The following ARL15 variants were observed in gnomAD, a reference collection of about 807,000 sequenced individuals.
ARL15 encodes the protein ARF like GTPase 15.
In ARL15, 19 loss-of-function variants were observed where a neutral mutation model predicts 25.2. The ratio of observed to expected loss-of-function variants is 0.75; its 90% CI spans 0.53 to 1.10. ARL15 has a LOEUF of 1.10. Among genes scored for constraint, ARL15 ranks in the 50% least tolerant of loss-of-function variants. The pLI is 0.00. For synonymous variants in ARL15, 94 were observed against 86.8 expected, an observed-to-expected ratio of 1.08 and a Z score of -0.46; for missense variants, 220 against 246.0, an observed-to-expected ratio of 0.89 and a Z score of 0.71.
At chr5:54,080,728 C>T (rs892002901) in intron 4 of ARL15, among the ~76,000 whole-genome samples, 17 of 152,152 alleles carry the variant, frequency 1.1e-4, no homozygotes, top group African/African-American at 4.1e-4. Flanking sequence ...CTATTCATCA[C>T]AGCAAATTCA....
At chr5:54,217,713 C>A (rs1756251950) in intron 1 of ARL15, among the ~76,000 whole-genome samples, 1 of 151,964 alleles carries the variant, frequency 6.6e-6, no homozygotes, top group African/African-American at 2.4e-5. Context: ...TCAGATGTTA[C>A]CCTCGGTAGA....
intron 1 of ARL15, among the ~76,000 whole-genome samples, chr5:54,232,478 G>A (rs956157562): frequency 1.3e-5 from 2 of 152,098 alleles, no homozygotes; most frequent in Non-Finnish European, 2.9e-5. Flanking sequence ...TCTGACATTC[G>A]AAGCTCCCTT....
rs147315860 is a variant in ARL15 at position 53,982,800 on chromosome 5, C to A, written c.463-96087G>T. Among the ~76,000 whole-genome samples, 430 of 152,284 alleles carry A rather than the reference C, an allele frequency of 2.8e-3. 2 individuals carry two copies. The highest frequency in any genetic ancestry group is 9.6e-3 in the African/African-American group (401 of 41,560). ...TGGTTGAACTAATTTACACTCCCACCAACAGTGTAAAGGCATTCCTATTTC... is the reference window on the plus strand; with the variant it reads ...TGGTTGAACTAATTTACACTCCCACAAACAGTGTAAAGGCATTCCTATTTC... On this transcript the variant is annotated intron_variant, in intron 4 of 4. Transcript: ENST00000504924.
chr5:53,891,528 G>A (rs758182019), intron 4 of ARL15, among the ~76,000 whole-genome samples: 5 of 152,164 alleles, frequency 3.3e-5, no homozygotes, highest in Non-Finnish European at 7.3e-5. Flanking sequence ...GGTCCTGCCC[G>A]TTGGGAACTG....
At chr5:53,902,208 G>C (rs1745089156) in intron 4 of ARL15, among the ~76,000 whole-genome samples, 1 of 152,196 alleles carries the variant, frequency 6.6e-6, no homozygotes, top group Non-Finnish European at 1.5e-5. Context: ...ACGAGGCTGT[G>C]TGCCACAAAT....
At chr5:53,937,771 A>C (rs185192303) in intron 4 of ARL15, among the ~76,000 whole-genome samples, 4 of 152,164 alleles carry the variant, frequency 2.6e-5, no homozygotes, top group African/African-American at 9.6e-5. Flanking sequence ...AAATAATACT[A>C]ACACCAACCA....
intron 4 of ARL15, among the ~76,000 whole-genome samples, chr5:54,084,300 C>T (rs1225514433): frequency 6.6e-6 from 1 of 151,884 alleles, no homozygotes; most frequent in Non-Finnish European, 1.5e-5. Context: ...ACAGATGGTT[C>T]CTGATAGAGT....
rs558134662 is a variant in ARL15 at position 54,151,431 on chromosome 5, A to C, written c.253+3149T>G. ...TGAATGTCTCCATCACTGAATGAGG[A>C]GTTCCCTGAAGATGAGGGCTGTGCT... On this transcript the variant is annotated intron_variant, in intron 3 of 4. Transcript: ENST00000504924. Among the ~76,000 whole-genome samples, 100 of 152,182 alleles carry C rather than the reference A, an allele frequency of 6.6e-4. 1 individual carries two copies. Among genetic ancestry groups the C allele is most frequent in the Non-Finnish European group, 1.1e-3 (73 of 68,004 alleles).
rs370947104 is a variant in ARL15 at position 54,010,826 on chromosome 5, C to T, written c.462+102376G>A. 1.7e-3 allele frequency among the ~76,000 whole-genome samples: 253 copies of T among 152,010 alleles called. 4 individuals are homozygous for T. Among genetic ancestry groups the T allele is most frequent in the African/African-American group, 5.7e-3 (238 of 41,458 alleles). The stretch of plus-strand genomic sequence containing the variant: ...GGAGATGGAGAACACGGTGAAACCC[C>T]GTCTCTACTGAAAATACAAAAAATT... On this transcript the variant is annotated intron_variant, in intron 4 of 4. Transcript: ENST00000504924.
At chr5:54,204,786 A>G (rs1755819085) in intron 1 of ARL15, among the ~76,000 whole-genome samples, 1 of 152,198 alleles carries the variant, frequency 6.6e-6, no homozygotes, top group South Asian at 2.1e-4. Context: ...CATTGTGCTG[A>G]TTTTGGAGCA....
chr5:53,978,658 AAGAAGCATCAC>A (rs1748024278), intron 4 of ARL15, among the ~76,000 whole-genome samples: 1 of 151,406 alleles, frequency 6.6e-6, no homozygotes, highest in African/African-American at 2.4e-5. Context: ...AAAGAAATAA[AAGAAGCATCAC>A]AGCAGGCAAG....
intron 4 of ARL15, among the ~76,000 whole-genome samples, chr5:53,947,812 A>G (rs1580108316): frequency 1.3e-5 from 2 of 152,200 alleles, no homozygotes; most frequent in East Asian, 3.9e-4. Context: ...TTTTACAAAG[A>G]GAAAAGACTA....
intron 4 of ARL15, among the ~76,000 whole-genome samples, chr5:53,997,873 TTAAAAAGA>T (rs1388513751): frequency 1.3e-5 from 2 of 152,096 alleles, no homozygotes; most frequent in Non-Finnish European, 2.9e-5. Context: ...GCTGAGTCCT[TTAAAAAGA>T]GCCTGATGTA....
In ARL15 at chr5:54,029,306, T is replaced by TACCACCACCACCAAC. The variant is rs1561194917; in HGVS notation, c.462+83895_462+83896insGTTGGTGGTGGTGGT. Among the ~76,000 whole-genome samples, 16 of 120,018 alleles carry TACCACCACCACCAAC rather than the reference T, an allele frequency of 1.3e-4. 1 individual carries two copies. Among genetic ancestry groups the TACCACCACCACCAAC allele is most frequent in the Admixed American group, 4.3e-4 (5 of 11,744 alleles). 78.7% of individuals were successfully genotyped at this position (120,018 alleles called of 152,430 possible). ...AAAATAGTTAATTTATAAAAACAGT[T>TACCACCACCACCAAC]ACCACCACCACCACCACCACCACCA... On this transcript the variant is annotated intron_variant, in intron 4 of 4. Transcript: ENST00000504924.
intron 3 of ARL15, among the ~76,000 whole-genome samples, chr5:54,133,522 C>T (rs1753502400): frequency 6.6e-6 from 1 of 152,166 alleles, no homozygotes; most frequent in Non-Finnish European, 1.5e-5. Flanking sequence ...TATTAACAGA[C>T]ACACTATCAG....
At chr5:53,931,802 T>C (rs1746202679) in intron 4 of ARL15, among the ~76,000 whole-genome samples, 1 of 152,222 alleles carries the variant, frequency 6.6e-6, no homozygotes, top group Non-Finnish European at 1.5e-5. Flanking sequence ...CCTCTCTCTG[T>C]CTTAACTCCA....
In ARL15 at chr5:54,076,672, T is replaced by C. The variant is rs1751619720; in HGVS notation, c.462+36530A>G. ...CCAAAACTTACATTTTTAGCTGACA[T>C]CTCGTTACAATGGTACTACGTTCTA... On this transcript the variant is annotated intron_variant, in intron 4 of 4. Transcript: ENST00000504924. 2.0e-5 allele frequency among the ~76,000 whole-genome samples: 3 copies of C among 152,258 alleles called. No individual in the cohort carries two copies. The South Asian group carries it at 6.2e-4, about 32-fold the overall frequency.
At chr5:53,954,624 G>A (rs1446919202) in intron 4 of ARL15, among the ~76,000 whole-genome samples, 1 of 152,104 alleles carries the variant, frequency 6.6e-6, no homozygotes, top group Non-Finnish European at 1.5e-5. Flanking sequence ...AAGAACTCAT[G>A]TAAACAGGTT....
chr5:54,125,655 C>T (rs1753228334), intron 3 of ARL15, among the ~76,000 whole-genome samples: 1 of 152,130 alleles, frequency 6.6e-6, no homozygotes, highest in African/African-American at 2.4e-5. Flanking sequence ...TTTGTTTGAA[C>T]ATCTGTTTTC....
Sources: allele counts gnomAD v4.1 joint callset (sites outside exome capture counted in the v4.1 genomes callset), GRCh38; gene constraint gnomAD v4.1.1; transcripts MANE v1.5; gene names NCBI Gene and HGNC (gene_info 2026-07-23, HGNC 2026-07-21).